The following LAMTOR1 variants were observed in gnomAD, a reference collection of about 807,000 sequenced individuals.
LAMTOR1 encodes the protein ragulator complex protein LAMTOR1.
A neutral mutation model predicts 20.5 loss-of-function variants in LAMTOR1; 8 were observed. That is an observed-to-expected ratio of 0.39 (90% confidence interval 0.23 to 0.70). LAMTOR1 has a LOEUF of 0.70. Ranked by LOEUF, LAMTOR1 falls within the 30% of genes least tolerant of loss-of-function variation. The probability of loss-of-function intolerance (pLI) is 0.43; values close to 1 mark genes in which losing one functional copy is unlikely to be tolerated. For synonymous variants in LAMTOR1, 77 were observed against 80.9 expected, an observed-to-expected ratio of 0.95 and a Z score of 0.26; for missense variants, 135 against 206.2, an observed-to-expected ratio of 0.65 and a Z score of 2.11.
intron 1 of LAMTOR1, among the ~76,000 whole-genome samples, chr11:72,099,974 C>T (rs958362268): frequency 6.6e-6 from 1 of 152,122 alleles, no homozygotes; most frequent in Non-Finnish European, 1.5e-5. Context: ...CTGAGCAGTA[C>T]AGCTGTAGCC....
intron 4 of LAMTOR1, 74 bp from the exon 5 acceptor site, chr11:72,097,988 G>A: frequency 6.7e-7 from 1 of 1,493,602 alleles, no homozygotes; most frequent in Non-Finnish European, 9.0e-7. Flanking sequence ...ATGGGGAGGG[G>A]AGATTAGATG....
chr11:72,100,383 G>A (rs1185930033), intron 1 of LAMTOR1, among the ~76,000 whole-genome samples: 2 of 152,136 alleles, frequency 1.3e-5, no homozygotes, highest in South Asian at 2.1e-4. Context: ...ACTAATGTAA[G>A]ACCAAACCAA....
rs1159651045 is a variant in LAMTOR1 at position 72,098,068 on chromosome 11, G to C, written c.394-154C>G. The C allele has an allele frequency of 3.7e-6, 4 of 1,078,254 alleles. 1 individual carries two copies. The highest frequency in any genetic ancestry group is 4.9e-5 in the East Asian group (2 of 40,626). 66.8% of individuals were successfully genotyped at this position (1,078,254 alleles called of 1,614,324 possible). The stretch of plus-strand genomic sequence containing the variant: ...AAAGACAGGGATGGGAGAGACAGAA[G>C]GAAAAGAACAAAGGGGAGTGAAACA... On this transcript the variant is annotated intron_variant, in intron 4 of 4. Coordinates refer to ENST00000278671, the MANE Select transcript of LAMTOR1 (RefSeq NM_017907.3).
In LAMTOR1 at chr11:72,097,985, G is replaced by A. The variant is rs533791355; in HGVS notation, c.394-71C>T. ...GGAGGGCAATCAGGAAAAATGGGGA[G>A]GGGAGATTAGATGGTGATGGAGAAG... On this transcript the variant is annotated intron_variant, in intron 4 of 4. Transcript: ENST00000278671. 20 of 1,502,362 alleles carry A rather than the reference G, an allele frequency of 1.3e-5. No homozygotes were observed. The East Asian group carries it at 2.5e-4, about 19-fold the overall frequency. 93.1% of individuals were successfully genotyped at this position (1,502,362 alleles called of 1,614,324 possible).
intron 1 of LAMTOR1, chr11:72,100,511 G>T (rs76397586): frequency 1.3e-5 from 2 of 152,248 alleles, no homozygotes; most frequent in Non-Finnish European, 2.9e-5. Flanking sequence ...CTTGCTTGCT[G>T]TATCAGCAGT....
intron 3 of LAMTOR1, 103 bp downstream of exon 3, chr11:72,098,678 C>T (rs1945325564): frequency 1.1e-6 from 1 of 915,382 alleles, no homozygotes; most frequent in Non-Finnish European, 1.6e-6. Context: ...CAGGGCTGCA[C>T]CAAATGAGAA....
chr11:72,101,742 T>G (rs1363551978), intron 1 of LAMTOR1, among the ~76,000 whole-genome samples: 1 of 152,264 alleles, frequency 6.6e-6, no homozygotes, highest in Non-Finnish European at 1.5e-5. Context: ...ATTAAGCACC[T>G]TCTCTGGGTG....
chr11:72,099,064 A>G, intron 2 of LAMTOR1, 47 bp downstream of exon 2: 4 of 1,606,370 alleles, frequency 2.5e-6, no homozygotes, highest in Non-Finnish European at 3.4e-6. Flanking sequence ...CTAGCCTTTA[A>G]TATGGATAGA....
rs1197697412 is a variant in LAMTOR1, at chr11:72,103,244, G to T, written c.-20C>A. ...CCCCATGGCCGGGGTCGGGCCGGGC[G>T]CTCAGGCCGCGCCGAGGAGGGACGG... On this transcript the variant is annotated 5_prime_UTR_variant, in exon 1 of 5. Transcript: ENST00000278671. 6.4e-7 allele frequency: 1 copy of T among 1,553,042 alleles called. No individual in the cohort carries two copies. The highest frequency in any genetic ancestry group is 2.4e-5 in the East Asian group (1 of 41,210).
chr11:72,098,701 G>T (rs1945326560), intron 3 of LAMTOR1, 80 bp downstream of exon 3: 1 of 1,085,524 alleles, frequency 9.2e-7, no homozygotes. Flanking sequence ...TTGGACTAGG[G>T]GCCAGGCTCC....
Position 72,097,857 on chromosome 11 carries a change from T to C in LAMTOR1, c.451A>G (p.Lys151Glu). 1 of 1,613,378 alleles carries C rather than the reference T, an allele frequency of 6.2e-7. No homozygotes were observed. The change falls in exon 5 of 5, where the codon AAA becomes GAA. Residue 151 changes from lysine (K) to glutamate (E), a missense_variant. Physicochemically the swap from Lys to Glu is moderately conservative, Grantham distance 56. Transcript: ENST00000278671. ...SALSQIRVDA[K>E]EELVVQFGIP Reference sequence around the variant, plus strand: ...CCAAACTGTACAACCAGCTCCTCTTTTGCGTCCACACGGATCTGAGAAAGT... The same window carrying C: ...CCAAACTGTACAACCAGCTCCTCTTCTGCGTCCACACGGATCTGAGAAAGT...
intron 2 of LAMTOR1, 22 bp from the exon 3 acceptor site, chr11:72,098,880 A>T (rs1311257378): frequency 6.5e-7 from 1 of 1,531,948 alleles, no homozygotes; most frequent in South Asian, 1.2e-5. Flanking sequence ...GGAGACAGAG[A>T]TGACATGACA....
rs1468081185 is a variant in LAMTOR1, at chr11:72,098,277, G to C, written c.393+12C>G. On this transcript the variant is annotated intron_variant, in intron 4 of 4. Transcript: ENST00000278671. ...GAGAAGGGTGGGCAGGGGCAGGTGAGGGGTGTCTCACCTGCTGCAAATCAG... is the reference window on the plus strand; with the variant it reads ...GAGAAGGGTGGGCAGGGGCAGGTGACGGGTGTCTCACCTGCTGCAAATCAG... The C allele has an allele frequency of 3.7e-6, 6 of 1,610,544 alleles. No homozygotes were observed. The South Asian group carries it at 5.6e-5, about 15-fold the overall frequency.
chr11:72,098,388 G>C lies in LAMTOR1; in HGVS notation c.294C>G (p.Ser98Arg). The C allele has an allele frequency of 6.2e-7, 1 of 1,612,408 alleles. No homozygotes were observed. ...YSTRLAVLSS[S>R]LTHWKKLPPL... ...GTGGCAGCTTCTTCCAATGGGTCAG[G>C]CTGCTGCTCAGCACAGCCAAGCGGG... is the stretch of plus-strand genomic sequence containing the variant. The change falls in exon 4 of 5, where the codon AGC (serine) becomes AGG (arginine). Residue 98 changes from serine (S) to arginine (R), a missense_variant. Physicochemically the swap from Ser to Arg is moderately radical, Grantham distance 110. Transcript: ENST00000278671.
Position 72,097,620 on chromosome 11 carries a change from A to C in LAMTOR1, c.*202T>G. The C allele has an allele frequency of 7.2e-7, 1 of 1,392,718 alleles. No homozygotes were observed. The highest frequency in any genetic ancestry group is 3.0e-5 in the Admixed American group (1 of 33,798). 86.3% of individuals were successfully genotyped at this position (1,392,718 alleles called of 1,614,324 possible). A position where few individuals can be genotyped will look rare whatever the true frequency, so the allele number is the denominator to read the frequency against. On this transcript the variant is annotated 3_prime_UTR_variant, in exon 5 of 5. Transcript: ENST00000278671. ...TTTGGCCCCCACCCCATCCCTGGCCAGAGCTTCAAAGGCCAGTCCCAAAAG... is the reference window on the plus strand; with the variant it reads ...TTTGGCCCCCACCCCATCCCTGGCCCGAGCTTCAAAGGCCAGTCCCAAAAG...
Position 72,097,783 on chromosome 11 carries a change from G to A in LAMTOR1, c.*39C>T. On this transcript the variant is annotated 3_prime_UTR_variant, in exon 5 of 5. Coordinates refer to ENST00000278671, the MANE Select transcript of LAMTOR1 (RefSeq NM_017907.3). The stretch of plus-strand genomic sequence containing the variant: ...GGCCAAGGGGGTGGGGTAGAGATGG[G>A]ATGAAGAGAGGAGAAGAGCTGTCCA... 1 of 1,613,734 alleles carries A rather than the reference G, an allele frequency of 6.2e-7. No homozygotes were observed. Among genetic ancestry groups the A allele is most frequent in the Non-Finnish European group, 8.5e-7 (1 of 1,179,794 alleles).
At chr11:72,102,741 A>C (rs1945490567) in intron 1 of LAMTOR1, among the ~76,000 whole-genome samples, 1 of 152,194 alleles carries the variant, frequency 6.6e-6, no homozygotes, top group South Asian at 2.1e-4. Flanking sequence ...CTGCAACCCC[A>C]GGGACTAAGA....
Position 72,097,809 on chromosome 11 carries a change from A to C in LAMTOR1, c.*13T>G. ...ATGAAGAGAGGAGAAGAGCTGTCCAAGGACCCCTCTCTTCATGGGATCCCA... is the reference window on the plus strand; with the variant it reads ...ATGAAGAGAGGAGAAGAGCTGTCCACGGACCCCTCTCTTCATGGGATCCCA... On this transcript the variant is annotated 3_prime_UTR_variant, in exon 5 of 5. Transcript: ENST00000278671. 1 of 1,614,068 alleles carries C rather than the reference A, an allele frequency of 6.2e-7. No individual in the cohort carries two copies. The highest frequency in any genetic ancestry group is 8.5e-7 in the Non-Finnish European group (1 of 1,179,978).
At chr11:72,101,222 C>A (rs1358406572) in intron 1 of LAMTOR1, among the ~76,000 whole-genome samples, 1 of 152,222 alleles carries the variant, frequency 6.6e-6, no homozygotes, top group Middle Eastern at 3.2e-3. Context: ...CTACCTACTT[C>A]AGAGCAGACA....
Sources: gnomAD v4.1 joint callset for allele counts (sites outside exome capture counted in the v4.1 genomes callset) on GRCh38, gnomAD v4.1.1 for gene constraint, MANE v1.5 for transcripts, NCBI Gene and HGNC (gene_info 2026-07-23, HGNC 2026-07-21) for gene names.